MAP3K13: variants seen among roughly 807,000 people sequenced by gnomAD.
MAP3K13 encodes the protein mitogen-activated protein kinase kinase kinase 13.
MAP3K13 carries 52 observed loss-of-function variants against 104.0 expected under a neutral mutation model. That is an observed-to-expected ratio of 0.50 (90% CI 0.40 to 0.63). The LOEUF (loss-of-function observed/expected upper bound fraction) is 0.63, where lower values mean the gene tolerates loss of function less well. Ranked by LOEUF, MAP3K13 falls within the 20% of genes least tolerant of loss-of-function variation. The probability of loss-of-function intolerance (pLI) is 0.00; values close to 1 mark genes in which losing one functional copy is unlikely to be tolerated. For missense variants in MAP3K13, 914 were observed against 1,218.5 expected (o/e 0.75, Z 3.72); for synonymous variants, 394 against 442.2 (o/e 0.89, Z 1.37).
At chr3:185,383,653 C>T (rs1711522936) in intron 1 of MAP3K13, among the ~76,000 whole-genome samples, 1 of 152,046 alleles carries the variant, frequency 6.6e-6, no homozygotes, top group African/African-American at 2.4e-5. Flanking sequence ...ACCCCTTCAC[C>T]ATCTGCCATA....
chr3:185,397,200 G>T (rs191103269), intron 1 of MAP3K13, among the ~76,000 whole-genome samples: 1 of 152,338 alleles, frequency 6.6e-6, no homozygotes, highest in East Asian at 1.9e-4. Flanking sequence ...TCCAGTGATG[G>T]AGAGCTAATC....
At chr3:185,443,767 T>A (rs1715452758) in intron 4 of MAP3K13, 131 bp downstream of exon 4, 1 of 712,840 alleles carries the variant, frequency 1.4e-6, no homozygotes, top group Admixed American at 2.5e-5. Context: ...TGGGTAATTC[T>A]GTTTGCGCAT....
At chr3:185,455,385 TA>T (rs1716482292) in intron 7 of MAP3K13, among the ~76,000 whole-genome samples, 2 of 58,118 alleles carry the variant, frequency 3.4e-5, no homozygotes, top group African/African-American at 1.2e-4. Context: ...ATATATGATA[TA>T]TATATCATAT....
intron 1 of MAP3K13, among the ~76,000 whole-genome samples, chr3:185,389,366 A>G (rs1711897649): frequency 6.6e-6 from 1 of 152,132 alleles, no homozygotes; most frequent in African/African-American, 2.4e-5. Context: ...TCTCCTATGT[A>G]TATAATAGGA....
At chr3:185,480,199 T>C in intron 12 of MAP3K13, 33 bp from the exon 13 acceptor site, 1 of 1,595,678 alleles carries the variant, frequency 6.3e-7, no homozygotes, top group South Asian at 1.1e-5. Context: ...GTTGTTCCTC[T>C]GACTAAGTTC....
At chr3:185,398,674 T>C (rs1371797044) in intron 1 of MAP3K13, among the ~76,000 whole-genome samples, 2 of 152,222 alleles carry the variant, frequency 1.3e-5, no homozygotes, top group African/African-American at 4.8e-5. Context: ...CTGAGAAACA[T>C]GGTGCCTAGC....
At chr3:185,407,869 ATTTTTTT>A (rs35693572) in intron 1 of MAP3K13, among the ~76,000 whole-genome samples, 2 of 69,098 alleles carry the variant, frequency 2.9e-5, no homozygotes, top group African/African-American at 5.9e-5. Flanking sequence ...AATTTTGAGA[ATTTTTTT>A]TTTTTTTTTT....
intron 2 of MAP3K13, among the ~76,000 whole-genome samples, chr3:185,352,261 A>G (rs895425549): frequency 3.3e-5 from 5 of 152,158 alleles, no homozygotes; most frequent in African/African-American, 1.2e-4. Context: ...CCTGACCAAC[A>G]TGGAGAAACC....
chr3:185,344,167 T>C (rs532203935), intron 2 of MAP3K13, among the ~76,000 whole-genome samples: 1 of 151,772 alleles, frequency 6.6e-6, no homozygotes, highest in Non-Finnish European at 1.5e-5. Flanking sequence ...CACCATCTAC[T>C]GTCTATACCT....
intron 1 of MAP3K13, among the ~76,000 whole-genome samples, chr3:185,399,682 GGAAGGAA>G (rs1712674383): frequency 9.2e-6 from 1 of 108,630 alleles, no homozygotes; most frequent in African/African-American, 3.6e-5. Context: ...AAGGAAGGAA[GGAAGGAA>G]GGAAGGAAGG....
intron 1 of MAP3K13, among the ~76,000 whole-genome samples, chr3:185,283,527 G>T (rs1387221420): frequency 6.6e-6 from 1 of 152,140 alleles, no homozygotes; most frequent in Non-Finnish European, 1.5e-5. Flanking sequence ...CTGGCTTCCC[G>T]GCAGAACCTC....
chr3:185,334,447 T>C (rs1427187777), intron 2 of MAP3K13, among the ~76,000 whole-genome samples: 3 of 152,040 alleles, frequency 2.0e-5, no homozygotes, highest in African/African-American at 7.2e-5. Context: ...CAGTGTGATA[T>C]TGCCTTGAGG....
At chr3:185,443,190 C>G (rs1715418381) in intron 3 of MAP3K13, among the ~76,000 whole-genome samples, 1 of 152,108 alleles carries the variant, frequency 6.6e-6, no homozygotes, top group Admixed American at 6.6e-5. Flanking sequence ...AAGGGTCCCA[C>G]AGAAAAGGCA....
chr3:185,309,916 G>A (rs953462042), intron 2 of MAP3K13, among the ~76,000 whole-genome samples: 2 of 152,280 alleles, frequency 1.3e-5, no homozygotes, highest in South Asian at 2.1e-4. Context: ...CCGCATACCC[G>A]AGGCCTAGGT....
intron 2 of MAP3K13, 26 bp downstream of exon 2, chr3:185,429,082 A>G: frequency 6.3e-7 from 1 of 1,598,418 alleles, no homozygotes; most frequent in Non-Finnish European, 8.5e-7. Context: ...GACTTGGAAG[A>G]TATTTCTTGT....
intron 2 of MAP3K13, among the ~76,000 whole-genome samples, chr3:185,434,129 G>A (rs1460053482): frequency 1.3e-5 from 2 of 151,886 alleles, no homozygotes; most frequent in Non-Finnish European, 1.5e-5. Flanking sequence ...AATAGACAAT[G>A]ATATAGAATA....
chr3:185,428,391 G>C (rs1252539018), intron 1 of MAP3K13, 106 bp from the exon 2 acceptor site: 7 of 656,438 alleles, frequency 1.1e-5, no homozygotes, highest in Non-Finnish European at 1.7e-5. Context: ...CTAACCCACA[G>C]GTTAACCAAT....
chr3:185,457,946 C>T (rs144706900), intron 7 of MAP3K13, among the ~76,000 whole-genome samples: 1 of 152,274 alleles, frequency 6.6e-6, no homozygotes, highest in African/African-American at 2.4e-5. Flanking sequence ...TACACTAAAC[C>T]TCAGCTTATT....
intron 2 of MAP3K13, among the ~76,000 whole-genome samples, chr3:185,351,658 G>T (rs1323168273): frequency 6.6e-6 from 1 of 152,160 alleles, no homozygotes; most frequent in East Asian, 1.9e-4. Flanking sequence ...CCAGTATCTT[G>T]GTTCTCTGAG....
Sources: gnomAD v4.1 joint callset for allele counts (sites outside exome capture counted in the v4.1 genomes callset) on GRCh38, gnomAD v4.1.1 for gene constraint, MANE v1.5 for transcripts, NCBI Gene and HGNC (gene_info 2026-07-23, HGNC 2026-07-21) for gene names.